SLC12A2: variants seen among roughly 807,000 people sequenced by gnomAD.
SLC12A2 encodes solute carrier family 12 member 2, also known as Na-K-2Cl cotransporter 1.
A neutral mutation model predicts 136.3 loss-of-function variants in SLC12A2; 67 were observed. The ratio of observed to expected loss-of-function variants is 0.49; its 90% CI spans 0.40 to 0.60. The LOEUF is 0.60. Ranked by LOEUF, SLC12A2 falls within the 20% of genes least tolerant of loss-of-function variation. The probability of loss-of-function intolerance (pLI) is 0.00; values close to 1 mark genes in which losing one functional copy is unlikely to be tolerated. For synonymous variants in SLC12A2, 619 were observed against 562.9 expected (o/e 1.10, Z -1.41); for missense variants, 1,322 against 1,534.7 (o/e 0.86, Z 2.32).
At chr5:128,156,993 T>A (rs1581120524) in intron 15 of SLC12A2, among the ~76,000 whole-genome samples, 1 of 152,186 alleles carries the variant, frequency 6.6e-6, no homozygotes, top group East Asian at 1.9e-4. Flanking sequence ...GTCTGGGGCA[T>A]GATTTCATGT....
At chr5:128,092,873 T>G (rs1245385428) in intron 1 of SLC12A2, among the ~76,000 whole-genome samples, 2 of 152,164 alleles carry the variant, frequency 1.3e-5, no homozygotes, top group Admixed American at 6.5e-5. Flanking sequence ...CTGTCAATAG[T>G]TTACTTCTGT....
chr5:128,145,462 A>AGGTT (rs1287942699), intron 10 of SLC12A2, among the ~76,000 whole-genome samples: 2 of 152,122 alleles, frequency 1.3e-5, no homozygotes, highest in Admixed American at 1.3e-4. Flanking sequence ...CCTAAAGATA[A>AGGTT]GGTTGTCAGT....
intron 9 of SLC12A2, among the ~76,000 whole-genome samples, 198 bp downstream of exon 9, chr5:128,139,106 A>G (rs1404637726): frequency 1.3e-5 from 2 of 152,116 alleles, no homozygotes; most frequent in East Asian, 1.9e-4. Context: ...TAAACCGCCA[A>G]ATGCTTTATG....
chr5:128,144,718 T>C (rs552194109), intron 10 of SLC12A2, among the ~76,000 whole-genome samples: 12 of 152,198 alleles, frequency 7.9e-5, no homozygotes, highest in African/African-American at 2.9e-4. Flanking sequence ...TACCCTACTC[T>C]TTTGCTTTAG....
intron 1 of SLC12A2, among the ~76,000 whole-genome samples, chr5:128,089,125 G>A (rs368056818): frequency 1.5e-4 from 23 of 148,486 alleles, no homozygotes; most frequent in African/African-American, 5.2e-4. Flanking sequence ...CCAAGATTGC[G>A]CCATTGCACT....
intron 11 of SLC12A2, among the ~76,000 whole-genome samples, chr5:128,148,000 G>GCATACATTTTCAA (rs1762584414): frequency 6.6e-6 from 1 of 151,528 alleles, no homozygotes; most frequent in Non-Finnish European, 1.5e-5. Flanking sequence ...GACATTTTTA[G>GCATACATTTTCAA]CATACATTTT....
chr5:128,181,875 A>T (rs1441066080), intron 23 of SLC12A2, among the ~76,000 whole-genome samples: 1 of 151,722 alleles, frequency 6.6e-6, no homozygotes, highest in Non-Finnish European at 1.5e-5. Flanking sequence ...TATCTCTTTA[A>T]ATACTGCATT....
At chr5:128,166,805 A>AT (rs908127150) in intron 17 of SLC12A2, among the ~76,000 whole-genome samples, 1 of 151,830 alleles carries the variant, frequency 6.6e-6, no homozygotes, top group African/African-American at 2.4e-5. Context: ...TAAAATGACA[A>AT]TTTTTTTTAT....
chr5:128,113,009 T>A, intron 2 of SLC12A2, 76 bp downstream of exon 2: 2 of 1,294,456 alleles, frequency 1.5e-6, no homozygotes, highest in Non-Finnish European at 2.1e-6. Flanking sequence ...TTCTCATCAG[T>A]TCTCAAGAGA....
At chr5:128,150,352 T>TA (rs1361413911) in intron 13 of SLC12A2, among the ~76,000 whole-genome samples, 1 of 151,788 alleles carries the variant, frequency 6.6e-6, no homozygotes. Context: ...TGTTACTTTT[T>TA]AAAAAAACTA....
intron 14 of SLC12A2, 79 bp downstream of exon 14, chr5:128,151,475 T>A (rs1762699091): frequency 1.5e-6 from 2 of 1,323,122 alleles, no homozygotes; most frequent in African/African-American, 3.0e-5. Context: ...CTTTGTTATT[T>A]TTCATTTTAA....
rs940764350 is a variant in SLC12A2 at position 128,187,981 on chromosome 5, G to GTA, written c.*1358_*1359dup. The GTA allele has an allele frequency of 6.6e-6, 1 of 152,352 alleles. No individual in the cohort carries two copies. The highest frequency in any genetic ancestry group is 1.5e-5 in the Non-Finnish European group (1 of 68,004). 9.4% of individuals were successfully genotyped at this position (152,352 alleles called of 1,614,324 possible). The stretch of plus-strand genomic sequence containing the variant: ...TGTCTACATATTTGTGTGTGTGTGT[G>GTA]TATATATATGTAATATGCATACACA... On this transcript the variant is annotated 3_prime_UTR_variant, in exon 27 of 27. Transcript: ENST00000262461.
At chr5:128,148,710 T>C (rs1476384375) in intron 11 of SLC12A2, 44 bp from the exon 12 acceptor site, 1 of 1,490,290 alleles carries the variant, frequency 6.7e-7, no homozygotes, top group Admixed American at 2.3e-5. Flanking sequence ...CAAATCTGCA[T>C]GTCTAATTTT....
intron 4 of SLC12A2, among the ~76,000 whole-genome samples, chr5:128,127,009 T>C (rs1761835743): frequency 1.5e-5 from 2 of 130,008 alleles, no homozygotes; most frequent in Admixed American, 1.7e-4. Context: ...AACCTAGCAT[T>C]TGTAGGATAA....
At chr5:128,159,488 G>A (rs902922282) in intron 16 of SLC12A2, among the ~76,000 whole-genome samples, 1 of 151,994 alleles carries the variant, frequency 6.6e-6, no homozygotes, top group Non-Finnish European at 1.5e-5. Context: ...TGGGAGAAAA[G>A]TTTTGCAATG....
At chr5:128,158,194 GT>G (rs755792650) in intron 16 of SLC12A2, 30 bp downstream of exon 16, 68 of 1,518,686 alleles carry the variant, frequency 4.5e-5, no homozygotes, top group Admixed American at 1.9e-4. Flanking sequence ...TCTTTTTCAA[GT>G]TTTTTTTTAA....
At chr5:128,186,457 CA>C in intron 26 of SLC12A2, 38 bp from the exon 27 acceptor site, 1 of 1,445,950 alleles carries the variant, frequency 6.9e-7, no homozygotes, top group South Asian at 1.3e-5. Flanking sequence ...ATGCATTGCT[CA>C]GGGTTTTTTT....
At chr5:128,085,419 G>A (rs1465676296) in intron 1 of SLC12A2, among the ~76,000 whole-genome samples, 2 of 152,122 alleles carry the variant, frequency 1.3e-5, no homozygotes, top group African/African-American at 4.8e-5. Context: ...TGTAGAGGAT[G>A]ACCAGAAAGA....
Position 128,178,667 on chromosome 5 carries a change from C to A in SLC12A2, c.3078C>A (p.Val1026=). The part of the protein sequence containing the change: ...QKKQGKNTID[V]WWLFDDGGLT... ...AACAAGGAAAGAATACTATTGATGTCTGGTGGCTTTTTGATGATGGAGGTA... is the reference window on the plus strand; with the variant it reads ...AACAAGGAAAGAATACTATTGATGTATGGTGGCTTTTTGATGATGGAGGTA... The change falls in exon 22 of 27, where the codon GTC becomes GTA. Residue 1026 remains valine, a synonymous_variant. Coordinates refer to ENST00000262461, the MANE Select transcript of SLC12A2 (RefSeq NM_001046.3). 6.4e-7 allele frequency: 1 copy of A among 1,573,472 alleles called. No individual in the cohort carries two copies. Among genetic ancestry groups the A allele is most frequent in the South Asian group, 1.2e-5 (1 of 82,572 alleles).
Sources: gnomAD v4.1 joint callset for allele counts (sites outside exome capture counted in the v4.1 genomes callset) on GRCh38, gnomAD v4.1.1 for gene constraint, MANE v1.5 for transcripts, NCBI Gene and HGNC (gene_info 2026-07-23, HGNC 2026-07-21) for gene names.